The following ALDH1A2 variants were observed in gnomAD, a reference collection of about 807,000 sequenced individuals.
The protein encoded by ALDH1A2 is aldehyde dehydrogenase 1 family member A2, also known as retinal dehydrogenase 2.
A neutral mutation model predicts 60.3 loss-of-function variants in ALDH1A2; 27 were observed. The observed-to-expected ratio is 0.45, with a 90% CI of 0.33 to 0.62. The LOEUF is 0.62. ALDH1A2 is among the 20% of genes least tolerant of loss of function. ALDH1A2 has a pLI of 0.02. For missense variants in ALDH1A2, 581 were observed against 643.8 expected, an observed-to-expected ratio of 0.90 and a Z score of 1.06; for synonymous variants, 289 against 232.4, an observed-to-expected ratio of 1.24 and a Z score of -2.21.
chr15:57,976,353 T>G (rs1354022310), intron 7 of ALDH1A2, among the ~76,000 whole-genome samples: 4 of 152,272 alleles, frequency 2.6e-5, no homozygotes, highest in East Asian at 1.9e-4. Context: ...TTTTTACATG[T>G]GCCATGGTGG....
At chr15:58,017,953 A>T (rs1378721358) in intron 1 of ALDH1A2, among the ~76,000 whole-genome samples, 5 of 152,316 alleles carry the variant, frequency 3.3e-5, no homozygotes, top group African/African-American at 1.2e-4. Context: ...CACTTAAAAA[A>T]TTATATGGAC....
At chr15:57,985,705 A>G (rs1894676513) in intron 7 of ALDH1A2, among the ~76,000 whole-genome samples, 1 of 152,182 alleles carries the variant, frequency 6.6e-6, no homozygotes, top group Non-Finnish European at 1.5e-5. Context: ...TGTTTACTAT[A>G]CATAAGATAC....
At chr15:57,978,371 T>C (rs192384533) in intron 7 of ALDH1A2, among the ~76,000 whole-genome samples, 2 of 152,310 alleles carry the variant, frequency 1.3e-5, no homozygotes, top group Admixed American at 1.3e-4. Flanking sequence ...CATCAATACC[T>C]AGTTTATTGG....
At chr15:58,001,586 C>T (rs1358097087) in intron 4 of ALDH1A2, among the ~76,000 whole-genome samples, 2 of 151,880 alleles carry the variant, frequency 1.3e-5, no homozygotes, top group African/African-American at 2.4e-5. Flanking sequence ...TCAGATGATA[C>T]ATAATGAGTA....
intron 1 of ALDH1A2, among the ~76,000 whole-genome samples, chr15:58,052,788 T>C (rs1896807803): frequency 6.6e-6 from 1 of 152,194 alleles, no homozygotes; most frequent in Non-Finnish European, 1.5e-5. Flanking sequence ...CCTTGTTCAC[T>C]GCTCTGCAAG....
chr15:57,988,660 G>A (rs937873109), intron 7 of ALDH1A2, among the ~76,000 whole-genome samples: 1 of 152,214 alleles, frequency 6.6e-6, no homozygotes, highest in Admixed American at 6.5e-5. Flanking sequence ...GGTTACACAG[G>A]TGTATATACA....
intron 5 of ALDH1A2, among the ~76,000 whole-genome samples, chr15:57,993,407 G>A (rs1006805058): frequency 6.6e-6 from 1 of 151,900 alleles, no homozygotes; most frequent in East Asian, 1.9e-4. Context: ...ATAAGTTCTC[G>A]TGTATGAAAA....
chr15:58,027,410 G>A (rs1896109928), intron 1 of ALDH1A2, among the ~76,000 whole-genome samples: 1 of 152,104 alleles, frequency 6.6e-6, no homozygotes, highest in African/African-American at 2.4e-5. Context: ...AAAGACCAAA[G>A]GTAGATAAAA....
At chr15:58,056,714 A>G (rs1365536522) in intron 1 of ALDH1A2, among the ~76,000 whole-genome samples, 1 of 152,178 alleles carries the variant, frequency 6.6e-6, no homozygotes, top group Non-Finnish European at 1.5e-5. Context: ...CAGTAAATAC[A>G]CAACATAGAA....
chr15:57,965,713 T>C lies in ALDH1A2; in HGVS notation c.901+12A>G, dbSNP rs764947352. On this transcript the variant is annotated intron_variant, in intron 8 of 12. Coordinates refer to ENST00000249750, the MANE Select transcript of ALDH1A2 (RefSeq NM_003888.4). ...TGTGGTGGTTCATGTATGGGACCTG[T>C]AGTTGACTTACAGTCAGCATCAGCA... 5 of 1,576,522 alleles carry C rather than the reference T, an allele frequency of 3.2e-6. No homozygotes were observed. The highest frequency in any genetic ancestry group is 4.5e-5 in the East Asian group (2 of 44,708).
At chr15:57,986,467 GAA>G (rs1327394722) in intron 7 of ALDH1A2, among the ~76,000 whole-genome samples, 2 of 130,956 alleles carry the variant, frequency 1.5e-5, no homozygotes, top group African/African-American at 5.7e-5. Context: ...TACCTTTTAG[GAA>G]AAAAAAAGTT....
intron 1 of ALDH1A2, among the ~76,000 whole-genome samples, chr15:58,056,672 C>A (rs1896902858): frequency 1.3e-5 from 2 of 151,984 alleles, no homozygotes; most frequent in South Asian, 4.1e-4. Context: ...AAATTATAAT[C>A]CTGAATACAT....
intron 4 of ALDH1A2, among the ~76,000 whole-genome samples, chr15:58,002,673 G>A (rs373864688): frequency 1.3e-4 from 19 of 151,944 alleles, no homozygotes; most frequent in African/African-American, 3.9e-4. Context: ...AAGAACTGTA[G>A]CAAATTTTAT....
In ALDH1A2 at chr15:57,954,225, A is replaced by C. The variant is rs1270369747; in HGVS notation, c.*972T>G. ...GCAGCAGTTATTGGTGTAGAGGTTCAGAAGGTACAGATTCCAACTACAGAA... is the reference window on the plus strand; with the variant it reads ...GCAGCAGTTATTGGTGTAGAGGTTCCGAAGGTACAGATTCCAACTACAGAA... On this transcript the variant is annotated 3_prime_UTR_variant, in exon 13 of 13. Transcript: ENST00000249750. 4 of 152,386 alleles carry C rather than the reference A, an allele frequency of 2.6e-5. No homozygotes were observed. The highest frequency in any genetic ancestry group is 6.5e-5 in the Admixed American group (1 of 15,288). 9.4% of individuals were successfully genotyped at this position (152,386 alleles called of 1,614,324 possible). A position where few individuals can be genotyped will look rare whatever the true frequency, so the allele number is the denominator to read the frequency against.
At chr15:57,988,964 C>G (rs1397623396) in intron 7 of ALDH1A2, among the ~76,000 whole-genome samples, 3 of 152,026 alleles carry the variant, frequency 2.0e-5, no homozygotes, top group African/African-American at 7.2e-5. Flanking sequence ...GTCAGGAGTT[C>G]AAGACCAGCC....
intron 1 of ALDH1A2, among the ~76,000 whole-genome samples, chr15:58,014,797 G>C (rs1351192502): frequency 6.6e-6 from 1 of 152,176 alleles, no homozygotes; most frequent in Non-Finnish European, 1.5e-5. Context: ...AGTTCAACAA[G>C]TTATATGTGT....
rs769821197 is a variant in ALDH1A2 at position 57,962,033 on chromosome 15, A to G, written c.1230T>C (p.Asp410=). The change falls in exon 10 of 13, where the codon GAT becomes GAC. Residue 410 remains aspartate, a synonymous_variant. Coordinates refer to ENST00000249750, the MANE Select transcript of ALDH1A2 (RefSeq NM_003888.4). ...ATACCTCCTCCTTGGCAATCCGCAT[A>G]TCATCAGTGACGTTGGAAAACACTG... ...EPTVFSNVTD[D]MRIAKEEIFG... 1 of 1,614,042 alleles carries G rather than the reference A, an allele frequency of 6.2e-7. No homozygotes were observed. Among genetic ancestry groups the G allele is most frequent in the Non-Finnish European group, 8.5e-7 (1 of 1,180,018 alleles).
chr15:58,058,077 A>T, intron 1 of ALDH1A2: 2 of 1,534,148 alleles, frequency 1.3e-6, no homozygotes, highest in Non-Finnish European at 1.7e-6. Flanking sequence ...TTCTCCCAAA[A>T]AGGATTCTGC....
At chr15:58,046,760 C>T (rs994984043) in intron 1 of ALDH1A2, among the ~76,000 whole-genome samples, 6 of 152,014 alleles carry the variant, frequency 3.9e-5, no homozygotes, top group Non-Finnish European at 5.9e-5. Context: ...GAAAGGTCTG[C>T]TGGCTTCATT....
Sources: allele counts gnomAD v4.1 joint callset (sites outside exome capture counted in the v4.1 genomes callset), GRCh38; gene constraint gnomAD v4.1.1; transcripts MANE v1.5; gene names NCBI Gene and HGNC (gene_info 2026-07-23, HGNC 2026-07-21).